Variants in BCAR1 observed in about 807,000 individuals in gnomAD.
BCAR1 encodes breast cancer anti-estrogen resistance protein 1.
In BCAR1, 30 loss-of-function variants were observed where a neutral mutation model predicts 67.6. That is an observed-to-expected ratio of 0.44 (90% CI 0.33 to 0.60). The LOEUF is 0.60. Ranked by LOEUF, BCAR1 falls within the 20% of genes least tolerant of loss-of-function variation. The pLI, the probability that BCAR1 is intolerant of heterozygous loss-of-function variation, is 0.02. For missense variants in BCAR1, 1,313 were observed against 1,222.3 expected (o/e 1.07, Z -1.11); for synonymous variants, 626 against 556.7 (o/e 1.12, Z -1.75).
At chr16:75,256,243 C>G (rs2077770801), upstream of BCAR1, 1 of 152,322 alleles carries the variant, frequency 6.6e-6, no homozygotes. Flanking sequence ...GGTAAGCACC[C>G]CAGGTGACCC....
In BCAR1 at chr16:75,229,437, C is replaced by T. The variant is rs563062880; in HGVS notation, c.*74G>A. The T allele has an allele frequency of 2.3e-4, 328 of 1,447,034 alleles. No homozygotes were observed. Among genetic ancestry groups the T allele is most frequent in the Non-Finnish European group, 2.7e-4 (300 of 1,101,258 alleles). 89.6% of individuals were successfully genotyped at this position (1,447,034 alleles called of 1,614,324 possible). ...TCCTGTCCCTAAGCCTGTGGCACAG[C>T]GACTCTTGACATGGGAGCCAGGGAG... On this transcript the variant is annotated 3_prime_UTR_variant, in exon 7 of 7. Coordinates refer to ENST00000162330, the MANE Select transcript of BCAR1 (RefSeq NM_014567.5).
chr16:75,233,816 G>C, intron 6 of BCAR1, 30 bp downstream of exon 6: 1 of 1,571,720 alleles, frequency 6.4e-7, no homozygotes, highest in Non-Finnish European at 8.6e-7. Flanking sequence ...AGCGGGCAAA[G>C]CTGGGCCTTG....
Position 75,235,479 on chromosome 16 carries a change from C to T in BCAR1, c.1420G>A (p.Val474Ile), listed in dbSNP as rs1158645944. ...ARLQQGVSATVAHLLDLAGSA... is the reference protein window; with the variant it reads ...ARLQQGVSATIAHLLDLAGSA... ...CCTGCCAGGTCCAGAAGGTGGGCAA[C>T]GGTGGCGCTCACACCCTGCTGCAGC... The change falls in exon 5 of 7, where the codon GTT becomes ATT. Residue 474 changes from valine (V) to isoleucine (I), a missense_variant. By Grantham distance (29) the Val-to-Ile change is conservative (BLOSUM62 3). Around this residue, in one of 2 missense-constraint regions of BCAR1, gnomAD observed 1,272 missense variants for 1,137.5 expected, o/e 1.12. Coordinates refer to ENST00000162330, the MANE Select transcript of BCAR1 (RefSeq NM_014567.5). 31 of 1,603,484 alleles carry T rather than the reference C, an allele frequency of 1.9e-5. No homozygotes were observed. The highest frequency in any genetic ancestry group is 4.5e-5 in the East Asian group (2 of 44,422).
chr16:75,250,220 C>G (rs2077635702), intron 1 of BCAR1: 1 of 152,532 alleles, frequency 6.6e-6, no homozygotes, highest in South Asian at 2.1e-4. Flanking sequence ...CCACCCAGCT[C>G]CCGGGCAAGC....
At chr16:75,263,952 G>C in intron 1 of BCAR1, 1 of 1,123,672 alleles carries the variant, frequency 8.9e-7, no homozygotes, top group South Asian at 4.4e-5. Flanking sequence ...AGAGAGCCAC[G>C]GTGATCTGCC....
At chr16:75,265,385 G>A (rs1400101299) in intron 1 of BCAR1, among the ~76,000 whole-genome samples, 1 of 152,128 alleles carries the variant, frequency 6.6e-6, no homozygotes, top group Non-Finnish European at 1.5e-5. Flanking sequence ...GACAGCACAG[G>A]CCTCCCACCC....
intron 1 of BCAR1, chr16:75,250,631 C>T (rs1276039808): frequency 3.2e-5 from 32 of 985,358 alleles, no homozygotes; most frequent in East Asian, 1.1e-4. Flanking sequence ...CCTCACCCCG[C>T]ACCCCTAGGC....
In BCAR1 at chr16:75,231,798, G is replaced by A. The variant is rs542000978; in HGVS notation, c.2101-1775C>T. Among the ~76,000 whole-genome samples the A allele has an allele frequency of 5.3e-5, 8 of 152,370 alleles. 1 individual carries two copies. The South Asian group carries it at 1.7e-3, about 32-fold the overall frequency. On this transcript the variant is annotated intron_variant, in intron 6 of 6. Coordinates refer to ENST00000162330, the MANE Select transcript of BCAR1 (RefSeq NM_014567.5). The stretch of plus-strand genomic sequence containing the variant: ...TGGAGGCACACAGAGGACGGACAAA[G>A]TACACGACCACTTCTGAAAACACGG...
At chr16:75,237,040 T>G in intron 3 of BCAR1, 42 bp from the exon 4 acceptor site, 2 of 1,543,414 alleles carry the variant, frequency 1.3e-6, no homozygotes, top group Non-Finnish European at 1.8e-6. Flanking sequence ...CCAGGGCCAC[T>G]TGGGGGAATA....
At chr16:75,234,066 C>T (rs892888736) in intron 5 of BCAR1, 131 bp from the exon 6 acceptor site, 31 of 758,996 alleles carry the variant, frequency 4.1e-5, no homozygotes, top group South Asian at 3.7e-4. Flanking sequence ...CACACGCACA[C>T]GTGGACGCAC....
Position 75,229,427 on chromosome 16 carries a change from T to G in BCAR1, c.*84A>C, listed in dbSNP as rs2076814138. 1 of 1,442,804 alleles carries G rather than the reference T, an allele frequency of 6.9e-7. No homozygotes were observed. Among genetic ancestry groups the G allele is most frequent in the African/African-American group, 1.4e-5 (1 of 70,384 alleles). 89.4% of individuals were successfully genotyped at this position (1,442,804 alleles called of 1,614,324 possible). Reference sequence around the variant, plus strand: ...AGAGCTGGGGTCCTGTCCCTAAGCCTGTGGCACAGCGACTCTTGACATGGG... The same window carrying G: ...AGAGCTGGGGTCCTGTCCCTAAGCCGGTGGCACAGCGACTCTTGACATGGG... On this transcript the variant is annotated 3_prime_UTR_variant, in exon 7 of 7. Coordinates refer to ENST00000162330, the MANE Select transcript of BCAR1 (RefSeq NM_014567.5).
chr16:75,266,073 G>A (rs1287397948), intron 1 of BCAR1: 5 of 1,011,110 alleles, frequency 4.9e-6, no homozygotes, highest in Admixed American at 5.8e-5. Flanking sequence ...GAGGACCCCG[G>A]ACCTAGGCCT....
At chr16:75,264,180 C>T in intron 1 of BCAR1, 8 of 1,329,006 alleles carry the variant, frequency 6.0e-6, no homozygotes, top group Non-Finnish European at 7.7e-6. Context: ...AGAAGGCTGC[C>T]CAAAGTCCTG....
In BCAR1 at chr16:75,228,747, C is replaced by G. The variant is rs1294451903; in HGVS notation, c.*764G>C. The G allele has an allele frequency of 6.6e-6, 1 of 152,326 alleles. No homozygotes were observed. The highest frequency in any genetic ancestry group is 2.4e-5 in the African/African-American group (1 of 41,474). 9.4% of individuals were successfully genotyped at this position (152,326 alleles called of 1,614,324 possible). ...TGGCAGCTCCCTAGGGTTGCAGGGG[C>G]CATGCCCAGGCTGTGCTTTCTGGGC... is the stretch of plus-strand genomic sequence containing the variant. On this transcript the variant is annotated 3_prime_UTR_variant, in exon 7 of 7. Coordinates refer to ENST00000162330, the MANE Select transcript of BCAR1 (RefSeq NM_014567.5).
In BCAR1 at chr16:75,238,559, C is replaced by T. The variant is rs530658091; in HGVS notation, c.634-1215G>A. The T allele has an allele frequency of 3.3e-5, 33 of 988,944 alleles. No individual in the cohort carries two copies. In the Admixed American group the frequency reaches 4.2e-4, roughly 13 times the overall value. The allele number at this position is 988,944 out of a possible 1,614,324, so 61.3% of individuals were successfully genotyped here. A position where few individuals can be genotyped will look rare whatever the true frequency, so the allele number is the denominator to read the frequency against. ...GCGCTGAGCATGGGGGTGGCAGAGG[C>T]GCCAGCACCCCCCAGCAGCCGCAGG... On this transcript the variant is annotated intron_variant, in intron 2 of 6. Coordinates refer to ENST00000162330, the MANE Select transcript of BCAR1 (RefSeq NM_014567.5).
chr16:75,230,632 C>G (rs2076871367), intron 6 of BCAR1, among the ~76,000 whole-genome samples: 1 of 152,330 alleles, frequency 6.6e-6, no homozygotes, highest in Admixed American at 6.5e-5. Flanking sequence ...GCCTAGGAGT[C>G]AGCTGAAGGG....
chr16:75,236,985 G>A lies in BCAR1; in HGVS notation c.809C>T (p.Pro270Leu). 3 of 1,604,192 alleles carry A rather than the reference G, an allele frequency of 1.9e-6. No homozygotes were observed. The highest frequency in any genetic ancestry group is 2.6e-6 in the Non-Finnish European group (3 of 1,174,956). ...ATTGGGACCCTTGACAGCCATGGGG[G>A]GTGTGTCATACACCTGGGGCAGAAA... ...SQYGQEVYDT[P>L]PMAVKGPNGR... The change falls in exon 4 of 7, where the codon CCC (proline) becomes CTC (leucine). Residue 270 changes from proline to leucine, a missense_variant. Physicochemically the swap from Pro to Leu is moderately conservative, Grantham distance 98. Coordinates refer to ENST00000162330, the MANE Select transcript of BCAR1 (RefSeq NM_014567.5).
chr16:75,246,137 C>T (rs1157434777), intron 1 of BCAR1: 1 of 151,978 alleles, frequency 6.6e-6, no homozygotes, highest in Non-Finnish European at 1.5e-5. Flanking sequence ...CACCACCACG[C>T]CCAGCTAATT....
At chr16:75,266,900 G>C in intron 1 of BCAR1, 1 of 757,550 alleles carries the variant, frequency 1.3e-6, no homozygotes, top group East Asian at 3.4e-5. Context: ...CTCATGGCGG[G>C]GACCTGGGGG....
Sources: gnomAD v4.1 joint callset for allele counts (sites outside exome capture counted in the v4.1 genomes callset) on GRCh38, gnomAD v4.1.1 for gene constraint, gnomAD v4.1.1 regional missense constraint, MANE v1.5 for transcripts, NCBI Gene and HGNC (gene_info 2026-07-23, HGNC 2026-07-21) for gene names.